NCOR2: variants seen among roughly 807,000 people sequenced by gnomAD.
NCOR2 encodes CTG repeat protein 26.
Under a neutral mutation model 262.9 loss-of-function variants are expected in NCOR2, and 81 were observed. The ratio of observed to expected loss-of-function variants is 0.31; its 90% CI spans 0.26 to 0.37. The LOEUF is 0.37. Among genes scored for constraint, NCOR2 ranks in the 10% least tolerant of loss-of-function variants. NCOR2 has a pLI of 1.00. For synonymous variants in NCOR2, 1,659 were observed against 1,559.3 expected (o/e 1.06, Z -1.51); for missense variants, 3,385 against 3,621.4 (o/e 0.93, Z 1.68).
At position 124,354,596 on chromosome 12, in the gene NCOR2, A is replaced by G. The variant is rs766090462; in HGVS notation, c.3485-14T>C. On this transcript the variant is annotated splice_polypyrimidine_tract_variant and intron_variant, in intron 25 of 46. Coordinates refer to ENST00000405201, the Ensembl canonical transcript of NCOR2. ...CGCTGAAGGGTGCTGAGGACCAGTA[A>G]GAGGAGCGAGTCACGTGCTGCCGGA... The G allele has an allele frequency of 6.5e-6, 10 of 1,540,372 alleles. No homozygotes were observed. In the East Asian group the frequency reaches 2.1e-4, roughly 32 times the overall value.
At position 124,402,579 on chromosome 12, in the gene NCOR2, AG is replaced by A; in HGVS notation, c.1483-19del. The A allele has an allele frequency of 6.5e-7, 1 of 1,549,338 alleles. No individual in the cohort carries two copies. Reference sequence around the variant, plus strand: ...TGCTGCTGCTGTCAGACCCCGGGGGAGGGCAGAGGGGAGTGGGGAGGGAAGA... The same window carrying A: ...TGCTGCTGCTGTCAGACCCCGGGGGAGGCAGAGGGGAGTGGGGAGGGAAGA... On this transcript the variant is annotated intron_variant, in intron 13 of 46. Transcript: ENST00000405201.
At position 124,389,048 on chromosome 12, in the gene NCOR2, G is replaced by A. The variant is rs1040269728; in HGVS notation, c.1877-3161C>T. 7.9e-5 allele frequency among the ~76,000 whole-genome samples: 12 copies of A among 152,366 alleles called. No individual in the cohort carries two copies. Among genetic ancestry groups the A allele is most frequent in the African/African-American group, 2.4e-4 (10 of 41,592 alleles). Reference sequence around the variant, plus strand: ...CGTCCCCAAGCCGCTGTGGGCGCGCGAGGTGCCCTTCCCCGAGGGTGGTGG... The same window carrying A: ...CGTCCCCAAGCCGCTGTGGGCGCGCAAGGTGCCCTTCCCCGAGGGTGGTGG... On this transcript the variant is annotated intron_variant, in intron 16 of 46. Coordinates refer to ENST00000405201, the Ensembl canonical transcript of NCOR2. The surrounding 1 kb of genome is among the most constrained non-coding windows in gnomAD (Gnocchi z 4.4).
At chr12:124,509,979 T>C (rs909499722) in intron 1 of NCOR2, among the ~76,000 whole-genome samples, 5 of 152,108 alleles carry the variant, frequency 3.3e-5, no homozygotes, top group African/African-American at 7.2e-5. Context: ...AATGTGCTGA[T>C]AAACCTAGGC....
Position 124,357,807 on chromosome 12 carries a change from T to C in NCOR2, c.3101-1025A>G, listed in dbSNP as rs374162738. Among the ~76,000 whole-genome samples the C allele has an allele frequency of 3.6e-3, 539 of 149,998 alleles. 2 individuals carry two copies. Among genetic ancestry groups the C allele is most frequent in the African/African-American group, 0.01 (414 of 40,758 alleles). On this transcript the variant is annotated intron_variant, in intron 22 of 46. Transcript: ENST00000405201. ...GTAACCTGTGATGTGTGTGTGTGTG[T>C]GCGCGCACGCGCGTGCACGTGTATG...
intron 16 of NCOR2, among the ~76,000 whole-genome samples, chr12:124,388,347 C>G (rs538371211): frequency 6.6e-6 from 1 of 152,104 alleles, no homozygotes; most frequent in African/African-American, 2.4e-5. Flanking sequence ...CTGCCAGGCA[C>G]GGAGAGAAAG....
chr12:124,362,279 C>G, exon 22 of NCOR2: 2 of 1,315,306 alleles, frequency 1.5e-6, no homozygotes, highest in Non-Finnish European at 1.9e-6. Flanking sequence ...CGGGGGGGCT[C>G]ATGGACTTTG....
At chr12:124,541,538 A>T (rs1234275699) in intron 1 of NCOR2, among the ~76,000 whole-genome samples, 2 of 9,342 alleles carry the variant, frequency 2.1e-4, no homozygotes, top group Admixed American at 1.4e-3. Context: ...TGGAGAGGGA[A>T]GGGGAGTGGT....
At chr12:124,354,322 T>TCCC in intron 26 of NCOR2, 126 bp from the exon 29 acceptor site, 3 of 1,178,024 alleles carry the variant, frequency 2.5e-6, no homozygotes, top group Non-Finnish European at 3.6e-6. Context: ...GCAGAGGGAG[T>TCCC]CCCCCTACCC....
In NCOR2 at chr12:124,548,698, A is replaced by C. The variant is rs1258386634; in HGVS notation, c.-164-13087T>G. Among the ~76,000 whole-genome samples the C allele has an allele frequency of 6.6e-6, 1 of 151,726 alleles. No individual in the cohort carries two copies. The highest frequency in any genetic ancestry group is 1.5e-5 in the Non-Finnish European group (1 of 67,958). ...GGGGGATCTCCATGGCAGGGTCCCC[A>C]CCCCAGGGATGTTTTTGGCTGCCCC... is the stretch of plus-strand genomic sequence containing the variant. On this transcript the variant is annotated intron_variant, in intron 1 of 32. Coordinates refer to the NCOR2 transcript ENST00000458234. This position sits in a 1 kb window ranked among gnomAD's most constrained non-coding sequence, Gnocchi z 5.1.
intron 28 of NCOR2, among the ~76,000 whole-genome samples, chr12:124,349,817 C>A (rs2037282725): frequency 6.6e-6 from 1 of 152,164 alleles, no homozygotes; most frequent in Non-Finnish European, 1.5e-5. Context: ...CTTCCCGCCA[C>A]CCCCAGGGCA....
chr12:124,397,703 C>A (rs942765805), intron 16 of NCOR2, among the ~76,000 whole-genome samples: 1 of 152,178 alleles, frequency 6.6e-6, no homozygotes, highest in Non-Finnish European at 1.5e-5. Context: ...GAACGCCCTG[C>A]AGGTCTCCCT....
intron 16 of NCOR2, among the ~76,000 whole-genome samples, chr12:124,393,808 T>G (rs547691811): frequency 2.6e-5 from 4 of 152,208 alleles, no homozygotes; most frequent in Non-Finnish European, 5.9e-5. Flanking sequence ...CCTAGTCAGG[T>G]TGGTAGAGAT....
intron 44 of NCOR2, among the ~76,000 whole-genome samples, chr12:124,330,562 G>GT (rs1433756234): frequency 1.3e-5 from 2 of 152,240 alleles, no homozygotes. Flanking sequence ...AAGAAGCAAG[G>GT]TGAGTTTCCA....
intron 13 of NCOR2, among the ~76,000 whole-genome samples, chr12:124,416,853 G>A (rs912222703): frequency 1.1e-4 from 16 of 151,016 alleles, no homozygotes; most frequent in Non-Finnish European, 2.2e-4. Flanking sequence ...GGCCCAGGGA[G>A]ACCCCGTGGC....
intron 30 of NCOR2, chr12:124,347,269 G>A (rs1008715486): frequency 1.1e-4 from 19 of 178,798 alleles, no homozygotes; most frequent in Admixed American, 2.9e-4. Flanking sequence ...TTGGGAGGCT[G>A]AAGTGGGAGG....
In NCOR2 at chr12:124,517,535, C is replaced by T. The variant is rs999235396; in HGVS notation, c.-118+18030G>A. Among the ~76,000 whole-genome samples the T allele has an allele frequency of 2.0e-5, 3 of 152,110 alleles. No individual in the cohort carries two copies. The highest frequency in any genetic ancestry group is 2.9e-5 in the Non-Finnish European group (2 of 67,984). ...TCGGTGGGGAGCCGGGCGCCGGGGC[C>T]GGGCTGCAGCGCTGCCTGCACCTGG... On this transcript the variant is annotated intron_variant, in intron 1 of 46. Coordinates refer to the NCOR2 transcript ENST00000404621. This position sits in a 1 kb window ranked among gnomAD's most constrained non-coding sequence, Gnocchi z 7.6.
chr12:124,498,443 A>G (rs1156525973), upstream of NCOR2, among the ~76,000 whole-genome samples: 1 of 152,096 alleles, frequency 6.6e-6, no homozygotes, highest in African/African-American at 2.4e-5. Flanking sequence ...CCAGCCCCCC[A>G]CCCAGCGCCT....
intron 8 of NCOR2, among the ~76,000 whole-genome samples, chr12:124,431,787 A>C (rs926723068): frequency 6.7e-6 from 1 of 149,622 alleles, no homozygotes; most frequent in African/African-American, 2.5e-5. Context: ...CATGGCAGAC[A>C]CACAGACAGA....
chr12:124,445,779 C>G (rs2045130495), intron 7 of NCOR2, among the ~76,000 whole-genome samples: 1 of 152,252 alleles, frequency 6.6e-6, no homozygotes, highest in Admixed American at 6.5e-5. Flanking sequence ...AGGCCCAGAA[C>G]AGTGCCTGGC....
Sources: gnomAD v4.1 joint callset for allele counts (sites outside exome capture counted in the v4.1 genomes callset) on GRCh38, gnomAD v4.1.1 for gene constraint, Gnocchi (gnomAD v3.1) non-coding constraint, MANE v1.5 for transcripts, NCBI Gene and HGNC (gene_info 2026-07-23, HGNC 2026-07-21) for gene names.